NCKAP1: variants seen among roughly 807,000 people sequenced by gnomAD.
NCKAP1 encodes NCK associated protein 1, also known as nck-associated protein 1.
A neutral mutation model predicts 151.2 loss-of-function variants in NCKAP1; 21 were observed. The ratio of observed to expected loss-of-function variants is 0.14; its 90% CI spans 0.10 to 0.20. NCKAP1 has a LOEUF of 0.20. Ranked by LOEUF, NCKAP1 falls within the 10% of genes least tolerant of loss-of-function variation. The pLI, the probability that NCKAP1 is intolerant of heterozygous loss-of-function variation, is 1.00. For synonymous variants in NCKAP1, 484 were observed against 451.8 expected, an observed-to-expected ratio of 1.07 and a Z score of -0.90; for missense variants, 933 against 1,352.1, an observed-to-expected ratio of 0.69 and a Z score of 4.86.
In NCKAP1 at chr2:182,989,032, T is replaced by C; in HGVS notation, c.945A>G (p.Arg315=). ...CAAAATAAATGAAAATGCCATACCCTCGTATGTTTACAAATAAGTCTTCTG... is the reference window on the plus strand; with the variant it reads ...CAAAATAAATGAAAATGCCATACCCCCGTATGTTTACAAATAAGTCTTCTG... ...KAAEDLFVNI[R]GYNKRINDIR... Residue 315 remains arginine (R), a splice_region_variant and synonymous_variant, in exon 9 of 31, where the codon CGA becomes CGG. Coordinates refer to ENST00000361354, the MANE Select transcript of NCKAP1 (RefSeq NM_013436.5). 4 of 1,609,552 alleles carry C rather than the reference T, an allele frequency of 2.5e-6. No homozygotes were observed. The South Asian group carries it at 4.4e-5, about 18-fold the overall frequency.
chr2:182,972,399 GC>G (rs1697718339), intron 15 of NCKAP1, among the ~76,000 whole-genome samples: 1 of 152,048 alleles, frequency 6.6e-6, no homozygotes, highest in African/African-American at 2.4e-5. Context: ...AGTTAAAATG[GC>G]TATTATCAAA....
intron 8 of NCKAP1, among the ~76,000 whole-genome samples, 200 bp from the exon 9 acceptor site, chr2:182,989,386 G>T (rs1463942671): frequency 6.6e-6 from 1 of 152,032 alleles, no homozygotes; most frequent in Non-Finnish European, 1.5e-5. Context: ...TGCAAAACCA[G>T]TTATTTGAAC....
chr2:183,009,523 C>T (rs1039478342), intron 2 of NCKAP1, among the ~76,000 whole-genome samples: 2 of 151,568 alleles, frequency 1.3e-5, no homozygotes, highest in Admixed American at 1.3e-4. Context: ...TATCCTAACA[C>T]TAGCCTAGTA....
intron 10 of NCKAP1, among the ~76,000 whole-genome samples, chr2:182,985,828 A>T: frequency 6.6e-6 from 1 of 151,454 alleles, no homozygotes; most frequent in Middle Eastern, 3.4e-3. Flanking sequence ...AGTAAATATT[A>T]TCTGTAAGAG....
At position 182,920,542 on chromosome 2, in the gene NCKAP1, T is replaced by C. The variant is rs1466001512; in HGVS notation, c.*5160A>G. On this transcript the variant is annotated 3_prime_UTR_variant, in exon 31 of 31. Coordinates refer to ENST00000361354, the MANE Select transcript of NCKAP1 (RefSeq NM_013436.5). ...ATAAATTTGTTACTATAAAAAAACT[T>C]CTTGCTTATAGTTCTGGAGGCTGGG... 3.3e-5 allele frequency: 5 copies of C among 152,214 alleles called. No homozygotes were observed. The highest frequency in any genetic ancestry group is 2.6e-4 in the Admixed American group (4 of 15,284). The allele number at this position is 152,214 out of a possible 1,614,324, so 9.4% of individuals were successfully genotyped here. A position where few individuals can be genotyped will look rare whatever the true frequency, so the allele number is the denominator to read the frequency against.
chr2:182,964,843 A>T, intron 16 of NCKAP1, 35 bp from the exon 17 acceptor site: 1 of 1,541,350 alleles, frequency 6.5e-7, no homozygotes. Flanking sequence ...CAATTTTTAC[A>T]TTTAAAGTAA....
chr2:182,939,911 T>C (rs1437341627), intron 24 of NCKAP1, among the ~76,000 whole-genome samples: 1 of 152,210 alleles, frequency 6.6e-6, no homozygotes, highest in Non-Finnish European at 1.5e-5. Flanking sequence ...AATTTAGATT[T>C]TGGTTTTGGC....
In NCKAP1 at chr2:182,948,015, TCAAA is replaced by T. The variant is rs567327613; in HGVS notation, c.2601+4386_2601+4389del. On this transcript the variant is annotated intron_variant, in intron 23 of 30. Transcript: ENST00000361354. Reference sequence around the variant, plus strand: ...ACAATCTGGATTATTAGGAGAGAACTCAAACAAAATCACTATAAAACATTATACA... The same window carrying T: ...ACAATCTGGATTATTAGGAGAGAACTCAAAATCACTATAAAACATTATACA... Among the ~76,000 whole-genome samples, 18 of 152,212 alleles carry T rather than the reference TCAAA, an allele frequency of 1.2e-4. No individual in the cohort carries two copies. The South Asian group carries it at 3.7e-3, about 32-fold the overall frequency.
intron 1 of NCKAP1, among the ~76,000 whole-genome samples, chr2:183,033,341 T>A (rs1699042085): frequency 6.6e-6 from 1 of 152,250 alleles, no homozygotes; most frequent in Non-Finnish European, 1.5e-5. Context: ...CTAGTTAGTT[T>A]CTGTCACTGG....
At position 182,982,939 on chromosome 2, in the gene NCKAP1, AAAGT is replaced by A. The variant is rs774970643; in HGVS notation, c.1102-16_1102-13del. ...AAAACAAAAAGTGCCTGTTTAAAAA[AAAGT>A]AAGTGTTTATTCTTATTCAAAGATT... On this transcript the variant is annotated splice_polypyrimidine_tract_variant and intron_variant, in intron 11 of 30. Coordinates refer to ENST00000361354, the MANE Select transcript of NCKAP1 (RefSeq NM_013436.5). The A allele has an allele frequency of 1.9e-5, 29 of 1,566,930 alleles. No homozygotes were observed. The highest frequency in any genetic ancestry group is 5.7e-5 in the Admixed American group (3 of 52,868).
At chr2:182,959,252 T>G (rs548006227) in intron 18 of NCKAP1, among the ~76,000 whole-genome samples, 23 of 152,266 alleles carry the variant, frequency 1.5e-4, no homozygotes, top group African/African-American at 5.3e-4. Flanking sequence ...CTACGGACAT[T>G]TGCAACTTCA....
intron 12 of NCKAP1, among the ~76,000 whole-genome samples, chr2:182,981,846 T>C (rs192180085): frequency 6.7e-6 from 1 of 149,260 alleles, no homozygotes; most frequent in Non-Finnish European, 1.5e-5. Context: ...GAGGTTGAGG[T>C]TGCAGTAAGG....
Position 182,935,670 on chromosome 2 carries a change from C to T in NCKAP1, c.2696-295G>A, listed in dbSNP as rs1053375256. 2.6e-5 allele frequency among the ~76,000 whole-genome samples: 4 copies of T among 151,668 alleles called. 1 individual carries two copies. The highest frequency in any genetic ancestry group is 7.2e-5 in the African/African-American group (3 of 41,432). On this transcript the variant is annotated intron_variant, in intron 24 of 30. Transcript: ENST00000361354. The stretch of plus-strand genomic sequence containing the variant: ...ACTATAAATTATATTTATAATATAA[C>T]TTTATATAAATTATATTACTACCTT...
chr2:182,989,839 A>C (rs1698131925), intron 8 of NCKAP1, among the ~76,000 whole-genome samples: 1 of 152,028 alleles, frequency 6.6e-6, no homozygotes. Context: ...GTCTCTACTA[A>C]AAATACAAAA....
At chr2:183,007,020 C>A (rs977348148) in intron 2 of NCKAP1, among the ~76,000 whole-genome samples, 20 of 152,100 alleles carry the variant, frequency 1.3e-4, no homozygotes, top group African/African-American at 4.8e-4. Flanking sequence ...TACAGGCAGG[C>A]ACCATACATC....
At chr2:183,014,393 A>G (rs1431695287) in intron 2 of NCKAP1, among the ~76,000 whole-genome samples, 1 of 152,172 alleles carries the variant, frequency 6.6e-6, no homozygotes, top group African/African-American at 2.4e-5. Context: ...GATAGTAAAA[A>G]AAAGTCGAGG....
At chr2:183,027,091 T>C (rs898264936) in intron 1 of NCKAP1, among the ~76,000 whole-genome samples, 1 of 152,204 alleles carries the variant, frequency 6.6e-6, no homozygotes, top group Admixed American at 6.5e-5. Flanking sequence ...TTGCTGTAAC[T>C]GTACAGAGTT....
chr2:183,009,862 A>G (rs1698559263), intron 2 of NCKAP1, among the ~76,000 whole-genome samples: 1 of 152,208 alleles, frequency 6.6e-6, no homozygotes, highest in Non-Finnish European at 1.5e-5. Context: ...TCTTCAATAC[A>G]CTTCAACATT....
intron 18 of NCKAP1, among the ~76,000 whole-genome samples, chr2:182,960,950 C>T (rs1697435850): frequency 6.6e-6 from 1 of 152,196 alleles, no homozygotes; most frequent in South Asian, 2.1e-4. Context: ...CAGAAGAAGA[C>T]ATTTATGCAG....
Sources: allele counts gnomAD v4.1 joint callset (sites outside exome capture counted in the v4.1 genomes callset), GRCh38; gene constraint gnomAD v4.1.1; transcripts MANE v1.5; gene names NCBI Gene and HGNC (gene_info 2026-07-23, HGNC 2026-07-21).